Variants in KIF15 observed in about 807,000 individuals in gnomAD.
The protein encoded by KIF15 is kinesin family member 15.
A neutral mutation model predicts 190.6 loss-of-function variants in KIF15; 140 were observed. The ratio of observed to expected loss-of-function variants is 0.73; its 90% CI spans 0.64 to 0.84. KIF15 has a LOEUF of 0.84. KIF15 is among the 40% of genes least tolerant of loss of function. The pLI is 0.00. For synonymous variants in KIF15, 528 were observed against 551.3 expected, an observed-to-expected ratio of 0.96 and a Z score of 0.59; for missense variants, 1,372 against 1,584.4, an observed-to-expected ratio of 0.87 and a Z score of 2.28.
rs778299902 is a variant in KIF15 at position 44,786,556 on chromosome 3, A to T, written c.621A>T (p.Ser207=). 2 of 1,612,008 alleles carry T rather than the reference A, an allele frequency of 1.2e-6. No individual in the cohort carries two copies. Among genetic ancestry groups the T allele is most frequent in the South Asian group, 2.2e-5 (2 of 90,866 alleles). Residue 207 remains serine (S), a synonymous_variant, in exon 7 of 35, where the codon TCA becomes TCT. Transcript: ENST00000326047. ...VVGAVEQVVT[S]AAEAYQVLSG... ...GTGCGGTGGAGCAGGTGGTAACCTC[A>T]GCTGCTGAAGCCTATCAGGTACCCT...
intron 30 of KIF15, among the ~76,000 whole-genome samples, chr3:44,844,507 G>A (rs187044887): frequency 6.6e-6 from 1 of 152,272 alleles, no homozygotes; most frequent in East Asian, 1.9e-4. Context: ...AAGAGCTACT[G>A]TGAACATAGA....
At chr3:44,779,435 G>T (rs1401435733) in intron 4 of KIF15, among the ~76,000 whole-genome samples, 1 of 152,140 alleles carries the variant, frequency 6.6e-6, no homozygotes, top group South Asian at 2.1e-4. Flanking sequence ...TACATGGCAG[G>T]GTGGGTATAC....
chr3:44,839,757 A>G (rs1461672550), intron 27 of KIF15, among the ~76,000 whole-genome samples: 2 of 152,182 alleles, frequency 1.3e-5, no homozygotes, highest in Non-Finnish European at 2.9e-5. Context: ...GATTCCACAT[A>G]TAAGTGAGAT....
At chr3:44,820,504 G>A (rs1225078178) in intron 20 of KIF15, among the ~76,000 whole-genome samples, 5 of 152,068 alleles carry the variant, frequency 3.3e-5, no homozygotes, top group Non-Finnish European at 5.9e-5. Flanking sequence ...GCGGCCTTCC[G>A]CAGTGTTTGT....
intron 5 of KIF15, 98 bp downstream of exon 5, chr3:44,781,020 T>C (rs1706137100): frequency 3.4e-6 from 3 of 877,564 alleles, no homozygotes; most frequent in Non-Finnish European, 5.4e-6. Flanking sequence ...ATATATGATG[T>C]TGATCTCTTG....
At chr3:44,793,540 A>G (rs1706822597) in intron 7 of KIF15, among the ~76,000 whole-genome samples, 1 of 152,230 alleles carries the variant, frequency 6.6e-6, no homozygotes, top group African/African-American at 2.4e-5. Flanking sequence ...GAAAGGGAAC[A>G]CAAAGGAAAG....
chr3:44,866,761 C>G (rs1699326734), intron 6 of KIF15, among the ~76,000 whole-genome samples: 1 of 152,216 alleles, frequency 6.6e-6, no homozygotes, highest in Admixed American at 6.5e-5. Flanking sequence ...ACCACTCCAA[C>G]AAGAGTTCTC....
chr3:44,858,565 C>T (rs561748150), intron 6 of KIF15, among the ~76,000 whole-genome samples: 8 of 151,994 alleles, frequency 5.3e-5, no homozygotes, highest in East Asian at 3.9e-4. Flanking sequence ...AGGAGGCTTT[C>T]GGTTGGGAAG....
At position 44,830,025 on chromosome 3, in the gene KIF15, G is replaced by A; in HGVS notation, c.2998G>A (p.Glu1000Lys). ...QIQELRTSVC[E>K]KTETIDTLKQ... ...CCAGGAGCTAAGAACATCGGTCTGT[G>A]AGAAAACAGAAACTATAGACACCCT... Residue 1000 changes from glutamate to lysine, a missense_variant, in exon 25 of 35, where the codon GAG becomes AAG. Coordinates refer to ENST00000326047, the MANE Select transcript of KIF15 (RefSeq NM_020242.3). 1 of 1,597,736 alleles carries A rather than the reference G, an allele frequency of 6.3e-7. No individual in the cohort carries two copies. The highest frequency in any genetic ancestry group is 8.5e-7 in the Non-Finnish European group (1 of 1,173,706).
intron 5 of KIF15, among the ~76,000 whole-genome samples, chr3:44,783,643 T>C (rs1005363713): frequency 6.6e-6 from 1 of 152,220 alleles, no homozygotes; most frequent in Admixed American, 6.5e-5. Flanking sequence ...CATGTTCTAA[T>C]ATTCATTCTC....
At chr3:44,816,982 T>A (rs1166380647) in intron 20 of KIF15, among the ~76,000 whole-genome samples, 1 of 152,252 alleles carries the variant, frequency 6.6e-6, no homozygotes, top group African/African-American at 2.4e-5. Flanking sequence ...ATTTATCTGA[T>A]GACCAGTGAT....
intron 26 of KIF15, among the ~76,000 whole-genome samples, chr3:44,836,291 G>C (rs1698317040): frequency 6.6e-6 from 1 of 152,116 alleles, no homozygotes. Context: ...GGGAGGTGGA[G>C]GTTACAGTTA....
At chr3:44,849,939 T>G (rs1699004576) in intron 32 of KIF15, among the ~76,000 whole-genome samples, 1 of 152,174 alleles carries the variant, frequency 6.6e-6, no homozygotes, top group Non-Finnish European at 1.5e-5. Context: ...ACCTAATGCT[T>G]TTTCTTCAGT....
At chr3:44,774,530 C>A in intron 2 of KIF15, 93 bp downstream of exon 2, 1 of 1,109,676 alleles carries the variant, frequency 9.0e-7, no homozygotes, top group Non-Finnish European at 1.3e-6. Flanking sequence ...GTACTTATTT[C>A]AAAATTTAAC....
At chr3:44,781,298 C>T (rs963286478) in intron 5 of KIF15, among the ~76,000 whole-genome samples, 1 of 152,110 alleles carries the variant, frequency 6.6e-6, no homozygotes, top group Non-Finnish European at 1.5e-5. Context: ...ATTAATATTG[C>T]TTGTTTTTGA....
chr3:44,821,209 A>G (rs1708276194), intron 20 of KIF15, among the ~76,000 whole-genome samples: 4 of 139,840 alleles, frequency 2.9e-5, no homozygotes, highest in Non-Finnish European at 3.1e-5. Context: ...GCGGCTGGGC[A>G]GAGGCGCCCC....
intron 26 of KIF15, among the ~76,000 whole-genome samples, chr3:44,837,867 G>A (rs1299428609): frequency 6.6e-6 from 1 of 152,186 alleles, no homozygotes; most frequent in African/African-American, 2.4e-5. Context: ...TCAACTGGCT[G>A]ATGGAGGCTC....
downstream of KIF15, among the ~76,000 whole-genome samples, chr3:44,857,449 T>A (rs965488868): frequency 1.3e-5 from 2 of 152,192 alleles, no homozygotes; most frequent in African/African-American, 2.4e-5. Flanking sequence ...ACAAAAAGGC[T>A]ATGGGGCGCG....
At chr3:44,862,120 G>A (rs753798856) in intron 6 of KIF15, 3 of 1,223,200 alleles carry the variant, frequency 2.5e-6, no homozygotes, top group Non-Finnish European at 2.0e-6. Flanking sequence ...CAGCGAGGTC[G>A]AGCCCGGGGC....
Sources: allele counts gnomAD v4.1 joint callset (sites outside exome capture counted in the v4.1 genomes callset), GRCh38; gene constraint gnomAD v4.1.1; transcripts MANE v1.5; gene names NCBI Gene and HGNC (gene_info 2026-07-23, HGNC 2026-07-21).